Variants in CEP192 observed in about 807,000 individuals in gnomAD.
CEP192 encodes centrosomal protein 192, also known as centrosomal protein of 192 kDa.
Under a neutral mutation model 271.8 loss-of-function variants are expected in CEP192, and 151 were observed. The ratio of observed to expected loss-of-function variants is 0.56; its 90% CI spans 0.49 to 0.64. The LOEUF (loss-of-function observed/expected upper bound fraction) is 0.64. CEP192 is among the 30% of genes least tolerant of loss of function. CEP192 has a pLI of 0.00. For synonymous variants in CEP192, 995 were observed against 1,076.5 expected (o/e 0.92, Z 1.48); for missense variants, 2,910 against 3,020.5 (o/e 0.96, Z 0.86).
At chr18:12,991,878 T>C (rs1020636124) in intron 1 of CEP192, among the ~76,000 whole-genome samples, 8 of 151,688 alleles carry the variant, frequency 5.3e-5, no homozygotes, top group African/African-American at 1.9e-4. Context: ...GTTCCTCCTT[T>C]TTGTTTAAAA....
intron 9 of CEP192, among the ~76,000 whole-genome samples, chr18:13,027,789 A>G (rs1221000645): frequency 6.6e-6 from 1 of 151,696 alleles, no homozygotes; most frequent in Non-Finnish European, 1.5e-5. Context: ...GTTTCTTTTT[A>G]ATCTTTGCAA....
intron 15 of CEP192, among the ~76,000 whole-genome samples, chr18:13,045,178 C>A (rs1013865394): frequency 6.6e-6 from 1 of 152,056 alleles, no homozygotes; most frequent in Non-Finnish European, 1.5e-5. Flanking sequence ...GTTAATTTGA[C>A]AATTTTATTT....
chr18:13,005,064 G>C (rs1432414092), intron 3 of CEP192, among the ~76,000 whole-genome samples: 1 of 152,136 alleles, frequency 6.6e-6, no homozygotes, highest in Non-Finnish European at 1.5e-5. Context: ...ATTCAAAGCT[G>C]TGAGGCTCTA....
chr18:12,996,765 C>T (rs2033271453), intron 1 of CEP192, among the ~76,000 whole-genome samples: 1 of 152,162 alleles, frequency 6.6e-6, no homozygotes, highest in African/African-American at 2.4e-5. Context: ...GAGTAATCAC[C>T]TGAATGTTAG....
intron 42 of CEP192, 114 bp downstream of exon 42, chr18:13,114,365 C>A: frequency 9.2e-7 from 1 of 1,083,318 alleles, no homozygotes; most frequent in Non-Finnish European, 1.3e-6. Flanking sequence ...AGCACTCCAA[C>A]CAAGATACAG....
chr18:13,024,842 T>C (rs933560733), intron 9 of CEP192, among the ~76,000 whole-genome samples: 60 of 152,114 alleles, frequency 3.9e-4, no homozygotes, highest in African/African-American at 1.3e-3. Context: ...CGATCTCAGC[T>C]ATCTGCGACC....
Position 13,056,224 on chromosome 18 carries a change from A to G in CEP192, c.3634A>G (p.Ser1212Gly). ...KDKSTAGREF[S>G]GQVSHQTTSE... ...TAAGTCAACTGCTGGCCGTGAGTTCAGTGGCCAGGTTTCTCATCAGACCAC... is the reference window on the plus strand; with the variant it reads ...TAAGTCAACTGCTGGCCGTGAGTTCGGTGGCCAGGTTTCTCATCAGACCAC... The change falls in exon 19 of 45, where the codon AGT becomes GGT. Residue 1212 changes from serine to glycine, a missense_variant. Transcript: ENST00000506447. The G allele has an allele frequency of 6.2e-7, 1 of 1,614,074 alleles. No individual in the cohort carries two copies. Among genetic ancestry groups the G allele is most frequent in the Non-Finnish European group, 8.5e-7 (1 of 1,179,966 alleles).
intron 21 of CEP192, among the ~76,000 whole-genome samples, chr18:13,066,050 A>G (rs2037681519): frequency 6.6e-6 from 1 of 152,224 alleles, no homozygotes; most frequent in African/African-American, 2.4e-5. Context: ...TCTGAACTCA[A>G]ATAGTTTACT....
At position 13,008,599 on chromosome 18, in the gene CEP192, T is replaced by G. The variant is rs1484452219; in HGVS notation, c.434T>G (p.Phe145Cys). ...GAATCCTTGCAGGGCCAAGATCTCT[T>G]CAACAGGGCTTCACCACTGGAACAA... ...ATESLQGQDL[F>C]NRASPLEQAQ... The change falls in exon 4 of 45, where the codon TTC becomes TGC. Residue 145 changes from phenylalanine (F) to cysteine (C), a missense_variant. Physicochemically the swap from Phe to Cys is radical, Grantham distance 205. Coordinates refer to ENST00000506447, the MANE Select transcript of CEP192 (RefSeq NM_032142.4). 1.3e-6 allele frequency: 2 copies of G among 1,551,538 alleles called. No individual in the cohort carries two copies. Among genetic ancestry groups the G allele is most frequent in the East Asian group, 4.9e-5 (2 of 40,932 alleles).
At chr18:13,028,798 G>A (rs984788342) in intron 9 of CEP192, among the ~76,000 whole-genome samples, 3 of 152,216 alleles carry the variant, frequency 2.0e-5, no homozygotes, top group African/African-American at 7.2e-5. Flanking sequence ...GGGATTACAG[G>A]TGTGAGCTAC....
At chr18:13,030,144 C>A in intron 10 of CEP192, 142 bp downstream of exon 10, 1 of 710,230 alleles carries the variant, frequency 1.4e-6, no homozygotes, top group Non-Finnish European at 2.3e-6. Context: ...TTTAAATCTA[C>A]TTGTACAGGG....
chr18:13,025,750 T>C (rs1485152816), intron 9 of CEP192, among the ~76,000 whole-genome samples: 1 of 152,210 alleles, frequency 6.6e-6, no homozygotes, highest in Non-Finnish European at 1.5e-5. Flanking sequence ...GTATCATTGC[T>C]ATCATTCATT....
At chr18:13,083,871 G>C (rs528099461) in intron 30 of CEP192, among the ~76,000 whole-genome samples, 10 of 152,278 alleles carry the variant, frequency 6.6e-5, no homozygotes, top group Non-Finnish European at 1.5e-4. Context: ...CTAAGAGTCA[G>C]GTCCCTCAGC....
chr18:12,993,575 T>G (rs1038561162), intron 1 of CEP192, among the ~76,000 whole-genome samples: 1 of 152,228 alleles, frequency 6.6e-6, no homozygotes, highest in African/African-American at 2.4e-5. Context: ...CTCAAACTTT[T>G]GGGCTCATGC....
chr18:13,079,610 T>G (rs1342048510), intron 30 of CEP192, among the ~76,000 whole-genome samples: 2 of 152,240 alleles, frequency 1.3e-5, no homozygotes, highest in Non-Finnish European at 2.9e-5. Flanking sequence ...GATGGTAACT[T>G]CTTTCGCTGT....
chr18:13,102,947 C>T (rs529020917), intron 38 of CEP192, among the ~76,000 whole-genome samples: 5 of 152,328 alleles, frequency 3.3e-5, no homozygotes, highest in South Asian at 2.1e-4. Flanking sequence ...AGAGGCCCTA[C>T]GCCTCCTCCA....
At chr18:13,036,838 A>T (rs749508836) in intron 11 of CEP192, among the ~76,000 whole-genome samples, 8 of 152,208 alleles carry the variant, frequency 5.3e-5, no homozygotes, top group Non-Finnish European at 4.4e-5. Context: ...GTCCTGGGGC[A>T]CGCTTGTAGC....
rs1386005349 is a variant in CEP192, at chr18:13,096,276, G to A, written c.6526G>A (p.Val2176Ile). 1.2e-6 allele frequency: 2 copies of A among 1,613,990 alleles called. No homozygotes were observed. Among genetic ancestry groups the A allele is most frequent in the Non-Finnish European group, 1.7e-6 (2 of 1,179,840 alleles). Reference protein sequence around the residue: ...ELCWPAHCLTVTPQHGCVAPE... With the variant: ...ELCWPAHCLTITPQHGCVAPE... The stretch of plus-strand genomic sequence containing the variant: ...GTGCTGGCCAGCGCATTGCCTCACA[G>A]TCACGCCGCAGCATGGATGTGTCGC... The change falls in exon 36 of 45, where the codon GTC becomes ATC. Residue 2176 changes from valine to isoleucine, a missense_variant. Val to Ile is a conservative substitution (Grantham distance 29). Coordinates refer to ENST00000506447, the MANE Select transcript of CEP192 (RefSeq NM_032142.4).
intron 9 of CEP192, among the ~76,000 whole-genome samples, chr18:13,026,995 A>C (rs533708415): frequency 6.6e-6 from 1 of 152,084 alleles, no homozygotes; most frequent in Non-Finnish European, 1.5e-5. Flanking sequence ...GAACTACTGT[A>C]AATAGGCCTT....
Sources: gnomAD v4.1 joint callset for allele counts (sites outside exome capture counted in the v4.1 genomes callset) on GRCh38, gnomAD v4.1.1 for gene constraint, MANE v1.5 for transcripts, NCBI Gene and HGNC (gene_info 2026-07-23, HGNC 2026-07-21) for gene names.